KCNT2: variants seen among roughly 807,000 people sequenced by gnomAD.
The protein encoded by KCNT2 is potassium channel subfamily T member 2.
KCNT2 carries 67 observed loss-of-function variants against 153.8 expected under a neutral mutation model. The ratio of observed to expected loss-of-function variants is 0.44; its 90% CI spans 0.36 to 0.53. The LOEUF is 0.53. Ranked by LOEUF, KCNT2 falls within the 20% of genes least tolerant of loss-of-function variation. The pLI is 0.00. For missense variants in KCNT2, 975 were observed against 1,354.8 expected (o/e 0.72, Z 4.40); for synonymous variants, 500 against 458.8 (o/e 1.09, Z -1.15).
At chr1:196,388,500 TA>T (rs1224543612) in intron 13 of KCNT2, among the ~76,000 whole-genome samples, 1 of 151,704 alleles carries the variant, frequency 6.6e-6, no homozygotes, top group Non-Finnish European at 1.5e-5. Flanking sequence ...ATTAACATGT[TA>T]AAATATTGAA....
chr1:196,317,571 T>A (rs542505011), intron 20 of KCNT2, among the ~76,000 whole-genome samples: 3 of 151,812 alleles, frequency 2.0e-5, no homozygotes, highest in African/African-American at 7.2e-5. Context: ...GCTTTCACAA[T>A]CTTTTTTCTT....
chr1:196,454,977 A>G (rs766543336), intron 8 of KCNT2, among the ~76,000 whole-genome samples: 9 of 151,986 alleles, frequency 5.9e-5, no homozygotes, highest in Non-Finnish European at 1.0e-4. Flanking sequence ...TTGTTGGACT[A>G]AAGTACTGTT....
intron 14 of KCNT2, among the ~76,000 whole-genome samples, chr1:196,358,247 T>A (rs72732236): frequency 0.03 from 4,527 of 151,818 alleles, 97 homozygotes; most frequent in Non-Finnish European, 0.049. Context: ...TTTTTTTTTT[T>A]AAATTTCAGC....
At chr1:196,526,087 G>T (rs1023610932) in intron 1 of KCNT2, among the ~76,000 whole-genome samples, 1 of 151,000 alleles carries the variant, frequency 6.6e-6, no homozygotes, top group African/African-American at 2.4e-5. Context: ...ACGCAAAAAA[G>T]TGCTAGACAC....
intron 3 of KCNT2, among the ~76,000 whole-genome samples, chr1:196,487,949 C>A (rs1008066970): frequency 5.9e-5 from 9 of 151,994 alleles, no homozygotes; most frequent in African/African-American, 1.7e-4. Context: ...CATCAGCAGG[C>A]AATGAGTTAA....
At chr1:196,258,007 A>C in intron 26 of KCNT2, 187 bp downstream of exon 26, 1 of 1,406,982 alleles carries the variant, frequency 7.1e-7, no homozygotes, top group South Asian at 1.6e-5. Flanking sequence ...CAAACGCTGA[A>C]AATTTTTAGC....
intron 2 of KCNT2, 91 bp from the exon 3 acceptor site, chr1:196,490,028 G>T: frequency 1.7e-6 from 1 of 585,832 alleles, no homozygotes; most frequent in Non-Finnish European, 3.0e-6. Context: ...TTTAAATACA[G>T]CACTTAAATT....
At chr1:196,597,480 G>C (rs1053486440) in intron 1 of KCNT2, among the ~76,000 whole-genome samples, 1 of 151,824 alleles carries the variant, frequency 6.6e-6, no homozygotes, top group African/African-American at 2.4e-5. Context: ...CAGGGAGTGA[G>C]AATGTTATGA....
chr1:196,481,259 G>C (rs568701494), intron 4 of KCNT2, among the ~76,000 whole-genome samples: 1 of 152,130 alleles, frequency 6.6e-6, no homozygotes. Context: ...TCGTGACTTT[G>C]AAAGACATGT....
In KCNT2 at chr1:196,362,050, A is replaced by T. The variant is rs573045171; in HGVS notation, c.1403+11090T>A. Among the ~76,000 whole-genome samples, 3 of 152,074 alleles carry T rather than the reference A, an allele frequency of 2.0e-5. No individual in the cohort carries two copies. The South Asian group carries it at 6.2e-4, about 31-fold the overall frequency. On this transcript the variant is annotated intron_variant, in intron 14 of 27. Coordinates refer to ENST00000294725, the MANE Select transcript of KCNT2 (RefSeq NM_198503.5). Reference sequence around the variant, plus strand: ...GTTACAAAATATAGTTCTCTGTCACAGTTTTTGAGTGTGAAACTTCCAAGG... The same window carrying T: ...GTTACAAAATATAGTTCTCTGTCACTGTTTTTGAGTGTGAAACTTCCAAGG...
rs1007725956 is a variant in KCNT2, at chr1:196,567,434, G to A, written c.95+40781C>T. 2.6e-5 allele frequency among the ~76,000 whole-genome samples: 4 copies of A among 152,210 alleles called. No homozygotes were observed. The Middle Eastern group carries it at 0.01, about 388-fold the overall frequency. On this transcript the variant is annotated intron_variant, in intron 1 of 27. Coordinates refer to ENST00000294725, the MANE Select transcript of KCNT2 (RefSeq NM_198503.5). ...TGCATGATAAGGTTGAATAGCAAGT[G>A]CTGTTGTCAGCATAAATCTCGGATC... is the stretch of plus-strand genomic sequence containing the variant.
rs150478355 is a variant in KCNT2, at chr1:196,555,523, A to C, written c.95+52692T>G. On this transcript the variant is annotated intron_variant, in intron 1 of 27. Transcript: ENST00000294725. ...AAGAGGACACGAAAATAATGAAAAAATTTTCCATGTTCACAGGTTGGAAGA... is the reference window on the plus strand; with the variant it reads ...AAGAGGACACGAAAATAATGAAAAACTTTTCCATGTTCACAGGTTGGAAGA... Among the ~76,000 whole-genome samples, 1,098 of 151,442 alleles carry C rather than the reference A, an allele frequency of 7.3e-3. 16 individuals carry two copies. The highest frequency in any genetic ancestry group is 0.025 in the African/African-American group (1,027 of 41,452).
chr1:196,299,440 C>G (rs1660976999), intron 22 of KCNT2, among the ~76,000 whole-genome samples: 1 of 151,984 alleles, frequency 6.6e-6, no homozygotes. Flanking sequence ...ATGCTGTTAC[C>G]AAGATGGCAG....
intron 14 of KCNT2, among the ~76,000 whole-genome samples, chr1:196,361,433 T>TA: frequency 6.6e-6 from 1 of 152,050 alleles, no homozygotes; most frequent in Non-Finnish European, 1.5e-5. Flanking sequence ...AGCCCATTCA[T>TA]AAAAAAGCTC....
intron 1 of KCNT2, among the ~76,000 whole-genome samples, chr1:196,562,766 G>A (rs757585026): frequency 6.7e-6 from 1 of 149,210 alleles, no homozygotes; most frequent in Non-Finnish European, 1.5e-5. Flanking sequence ...TTAGCTCAAT[G>A]TCTTTAACAA....
chr1:196,312,340 C>T (rs1162337844), intron 21 of KCNT2, among the ~76,000 whole-genome samples: 1 of 151,424 alleles, frequency 6.6e-6, no homozygotes, highest in Non-Finnish European at 1.5e-5. Flanking sequence ...GGAGGTAGTT[C>T]CAGAGAAAGT....
intron 1 of KCNT2, among the ~76,000 whole-genome samples, chr1:196,531,640 A>G (rs1558047349): frequency 6.6e-6 from 1 of 151,982 alleles, no homozygotes; most frequent in Non-Finnish European, 1.5e-5. Context: ...TAAACAAATC[A>G]CCCCAAAACA....
chr1:196,337,307 T>C (rs1047869066), intron 16 of KCNT2, among the ~76,000 whole-genome samples: 6 of 152,080 alleles, frequency 3.9e-5, no homozygotes, highest in Non-Finnish European at 8.8e-5. Context: ...CTGATTATCC[T>C]CAAAGTACAT....
At chr1:196,423,280 T>A (rs138665731) in intron 11 of KCNT2, among the ~76,000 whole-genome samples, 167 bp from the exon 12 acceptor site, 11 of 151,952 alleles carry the variant, frequency 7.2e-5, no homozygotes, top group African/African-American at 2.2e-4. Flanking sequence ...CATGACTATA[T>A]CTGATTTTGA....
Sources: gnomAD v4.1 joint callset for allele counts (sites outside exome capture counted in the v4.1 genomes callset) on GRCh38, gnomAD v4.1.1 for gene constraint, MANE v1.5 for transcripts, NCBI Gene and HGNC (gene_info 2026-07-23, HGNC 2026-07-21) for gene names.